ADGRB3: variants seen among roughly 807,000 people sequenced by gnomAD.
ADGRB3 encodes the protein brain-specific angiogenesis inhibitor 3.
A neutral mutation model predicts 193.4 loss-of-function variants in ADGRB3; 37 were observed. That is an observed-to-expected ratio of 0.19 (90% CI 0.15 to 0.25). ADGRB3 has a LOEUF of 0.25. Among genes scored for constraint, ADGRB3 ranks in the 10% least tolerant of loss-of-function variants. ADGRB3 has a pLI of 1.00. For missense variants in ADGRB3, 1,637 were observed against 1,852.9 expected (o/e 0.88, Z 2.14); for synonymous variants, 690 against 644.2 (o/e 1.07, Z -1.08).
At chr6:69,204,265 A>G (rs940827962) in intron 17 of ADGRB3, among the ~76,000 whole-genome samples, 5 of 152,142 alleles carry the variant, frequency 3.3e-5, no homozygotes, top group Admixed American at 6.6e-5. Flanking sequence ...TTTGGACATT[A>G]TATTTTTTTA....
chr6:69,340,778 T>A (rs1051981215), intron 26 of ADGRB3, among the ~76,000 whole-genome samples: 1 of 152,020 alleles, frequency 6.6e-6, no homozygotes, highest in South Asian at 2.1e-4. Flanking sequence ...CCCCCACCCT[T>A]GACAGGACCT....
At chr6:68,869,268 C>T (rs1765393760) in intron 3 of ADGRB3, among the ~76,000 whole-genome samples, 1 of 152,052 alleles carries the variant, frequency 6.6e-6, no homozygotes, top group South Asian at 2.1e-4. Context: ...TAAATAGCCT[C>T]TGGTTGATAT....
intron 26 of ADGRB3, among the ~76,000 whole-genome samples, chr6:69,351,175 C>A (rs576475885): frequency 1.3e-4 from 19 of 151,054 alleles, no homozygotes; most frequent in Admixed American, 1.3e-3. Context: ...CTCACTGCAA[C>A]CTTCGCCTCC....
intron 3 of ADGRB3, among the ~76,000 whole-genome samples, chr6:68,712,593 A>G (rs1030271319): frequency 8.5e-5 from 13 of 152,100 alleles, no homozygotes; most frequent in African/African-American, 2.9e-4. Flanking sequence ...ATGTAGAAAT[A>G]TAGGAGGAAG....
intron 26 of ADGRB3, among the ~76,000 whole-genome samples, chr6:69,344,709 C>T (rs79653786): frequency 0.037 from 5,658 of 152,224 alleles, 177 homozygotes; most frequent in Admixed American, 0.095. Context: ...AAGGGTATAT[C>T]TGTGCCTTCC....
chr6:69,347,706 G>T (rs1769131909), intron 26 of ADGRB3, among the ~76,000 whole-genome samples: 1 of 152,018 alleles, frequency 6.6e-6, no homozygotes, highest in African/African-American at 2.4e-5. Flanking sequence ...GGTTGTTTGA[G>T]CTCAGGAGGT....
At chr6:69,223,737 C>G (rs1765949070) in intron 17 of ADGRB3, among the ~76,000 whole-genome samples, 1 of 148,410 alleles carries the variant, frequency 6.7e-6, no homozygotes, top group South Asian at 2.1e-4. Context: ...GCTCACTGCA[C>G]CCTTGACCTC....
At chr6:68,863,978 A>G (rs1765224591) in intron 3 of ADGRB3, among the ~76,000 whole-genome samples, 1 of 152,088 alleles carries the variant, frequency 6.6e-6, no homozygotes, top group Non-Finnish European at 1.5e-5. Flanking sequence ...CTTTTTCCTA[A>G]TTAGATTTTC....
chr6:69,116,652 G>GA (rs1397834673), intron 17 of ADGRB3, among the ~76,000 whole-genome samples: 1 of 152,186 alleles, frequency 6.6e-6, no homozygotes, highest in African/African-American at 2.4e-5. Flanking sequence ...TAAGAAGGTG[G>GA]AGTTTCTGAA....
intron 17 of ADGRB3, among the ~76,000 whole-genome samples, chr6:69,162,179 G>C (rs542452502): frequency 2.0e-5 from 3 of 152,136 alleles, no homozygotes; most frequent in African/African-American, 7.2e-5. Flanking sequence ...ACATGGACTG[G>C]TACTGAAAAT....
In ADGRB3 at chr6:69,318,397, T is replaced by A. The variant is rs552934076; in HGVS notation, c.2815-6475T>A. 4.6e-5 allele frequency among the ~76,000 whole-genome samples: 7 copies of A among 151,598 alleles called. No individual in the cohort carries two copies. The Admixed American group carries it at 4.6e-4, about 10-fold the overall frequency. On this transcript the variant is annotated intron_variant, in intron 20 of 31. Transcript: ENST00000370598. ...TAAATTATGGGGAGGTCATTTTTGA[T>A]GTTGAGTCACCCTGCATTACTGGAC...
At chr6:68,752,318 C>T (rs10455674) in intron 3 of ADGRB3, among the ~76,000 whole-genome samples, 58,205 of 148,482 alleles carry the variant, frequency 0.39, 11,915 homozygotes, top group East Asian at 0.64. Context: ...CTCTTGTCAC[C>T]CACATTGGAG....
chr6:69,062,857 C>A, intron 15 of ADGRB3, 77 bp from the exon 16 acceptor site: 2 of 1,030,778 alleles, frequency 1.9e-6, no homozygotes, highest in Non-Finnish European at 2.9e-6. Context: ...TGAAACCATC[C>A]CAAAATGTAT....
chr6:69,057,511 T>TTTTTG (rs200359945), intron 15 of ADGRB3, among the ~76,000 whole-genome samples: 73,262 of 151,026 alleles, frequency 0.49, 20,008 homozygotes, highest in East Asian at 0.96. Flanking sequence ...TTTCAGGGTT[T>TTTTTG]TTTTGTTTTG....
At position 69,233,339 on chromosome 6, in the gene ADGRB3, A is replaced by G; in HGVS notation, c.2530A>G (p.Thr844Ala). ...WSTQGCKTVLTDASHTKCLCD... is the reference protein window; with the variant it reads ...WSTQGCKTVLADASHTKCLCD... The stretch of plus-strand genomic sequence containing the variant: ...CACCCAGGGATGTAAAACTGTGCTT[A>G]CCGATGCATCCCATACGAAATGCTT... Residue 844 changes from threonine to alanine, a missense_variant, in exon 18 of 32, where the codon ACC becomes GCC. Around this residue, in one of 7 missense-constraint regions of ADGRB3, gnomAD observed 641 missense variants for 673.9 expected, o/e 0.95. Transcript: ENST00000370598. The G allele has an allele frequency of 6.2e-7, 1 of 1,614,054 alleles. No individual in the cohort carries two copies.
rs1372794814 is a variant in ADGRB3 at position 68,638,705 on chromosome 6, T to C, written c.30T>C (p.Tyr10=). The C allele has an allele frequency of 6.2e-7, 1 of 1,614,058 alleles. No individual in the cohort carries two copies. The highest frequency in any genetic ancestry group is 2.2e-5 in the East Asian group (1 of 44,860). ...AGGCTGTTCGTAACCTGCTGATTTA[T>C]ATATTTTCCACCTATCTCCTGGTTA... MKAVRNLLI[Y]IFSTYLLVMF... The change falls in exon 3 of 32, where the codon TAT becomes TAC. Residue 10 remains tyrosine, a synonymous_variant. Coordinates refer to ENST00000370598, the MANE Select transcript of ADGRB3 (RefSeq NM_001704.3).
chr6:69,332,210 A>G, intron 23 of ADGRB3: 10 of 985,416 alleles, frequency 1.0e-5, no homozygotes, highest in Non-Finnish European at 9.6e-6. Flanking sequence ...TTTACTTGAA[A>G]AAGGAAAAAT....
At chr6:68,849,761 G>A (rs1385508231) in intron 3 of ADGRB3, among the ~76,000 whole-genome samples, 1 of 151,874 alleles carries the variant, frequency 6.6e-6, no homozygotes, top group African/African-American at 2.4e-5. Flanking sequence ...TTAGATAGAT[G>A]TTTGGATGGA....
rs138129313 is a variant in ADGRB3, at chr6:68,737,572, C to T, written c.757+98140C>T. Among the ~76,000 whole-genome samples the T allele has an allele frequency of 2.3e-3, 349 of 152,188 alleles. 2 individuals are homozygous for T. Among genetic ancestry groups the T allele is most frequent in the Middle Eastern group, 0.01 (3 of 294 alleles). On this transcript the variant is annotated intron_variant, in intron 3 of 31. Transcript: ENST00000370598. ...ACAATAAGAATATTATTATCAAGCA[C>T]TAAATAGACAACAAGAAGTGGAGTG...
Sources: gnomAD v4.1 joint callset for allele counts (sites outside exome capture counted in the v4.1 genomes callset) on GRCh38, gnomAD v4.1.1 for gene constraint, gnomAD v4.1.1 regional missense constraint, MANE v1.5 for transcripts, NCBI Gene and HGNC (gene_info 2026-07-23, HGNC 2026-07-21) for gene names.